The following SLC5A4 variants were observed in gnomAD, a reference collection of about 807,000 sequenced individuals.
SLC5A4 encodes the protein probable glucose sensor protein SLC5A4.
In SLC5A4, 55 loss-of-function variants were observed where a neutral mutation model predicts 70.3. The ratio of observed to expected loss-of-function variants is 0.78; its 90% confidence interval spans 0.63 to 0.98. SLC5A4 has a LOEUF of 0.98. Among genes scored for constraint, SLC5A4 ranks in the 50% least tolerant of loss-of-function variants. The pLI is 0.00. For missense variants in SLC5A4, 735 were observed against 839.2 expected (o/e 0.88, Z 1.53); for synonymous variants, 268 against 305.7 (o/e 0.88, Z 1.29).
chr22:32,254,068 A>G (rs954897257), intron 2 of SLC5A4, 74 bp downstream of exon 2: 4 of 1,192,212 alleles, frequency 3.4e-6, no homozygotes, highest in Non-Finnish European at 1.3e-6. Flanking sequence ...GGCGTGAGAC[A>G]CCGCACCCAG....
At position 32,237,980 on chromosome 22, in the gene SLC5A4, T is replaced by A. The variant is rs557688123; in HGVS notation, c.584-656A>T. 3.9e-5 allele frequency among the ~76,000 whole-genome samples: 6 copies of A among 152,286 alleles called. No homozygotes were observed. The South Asian group carries it at 1.0e-3, about 26-fold the overall frequency. On this transcript the variant is annotated intron_variant, in intron 6 of 14. Coordinates refer to ENST00000266086, the MANE Select transcript of SLC5A4 (RefSeq NM_014227.3). ...TGAAACACATGCTCTGTGAAAGTTGTCTGTACCAAAATAGAGACACTTATG... is the reference window on the plus strand; with the variant it reads ...TGAAACACATGCTCTGTGAAAGTTGACTGTACCAAAATAGAGACACTTATG...
chr22:32,244,861 A>G (rs982284250), intron 5 of SLC5A4, among the ~76,000 whole-genome samples: 1 of 152,202 alleles, frequency 6.6e-6, no homozygotes, highest in African/African-American at 2.4e-5. Flanking sequence ...TTGTGATGAA[A>G]CATATATGAC....
intron 5 of SLC5A4, among the ~76,000 whole-genome samples, chr22:32,239,556 ATATATATATATATTTATATATATATT>A (rs1926330638): frequency 9.6e-5 from 2 of 20,912 alleles, no homozygotes; most frequent in Non-Finnish European, 1.8e-4. Flanking sequence ...ATATATATAT[ATATATATATATATTTATATATATATT>A]TATATATATA....
At position 32,231,079 on chromosome 22, in the gene SLC5A4, G is replaced by C. The variant is rs549721677; in HGVS notation, c.1022-4C>G. On this transcript the variant is annotated splice_polypyrimidine_tract_variant and splice_region_variant and intron_variant, in intron 9 of 14. Transcript: ENST00000266086. ...GGTACCACACATGCTACCATATCTG[G>C]GGAAGAATTCAGAAGTGAGTCCAAT... is the stretch of plus-strand genomic sequence containing the variant. The C allele has an allele frequency of 1.2e-6, 2 of 1,600,942 alleles. No homozygotes were observed. Among genetic ancestry groups the C allele is most frequent in the Admixed American group, 3.3e-5 (2 of 59,964 alleles).
chr22:32,269,861 C>T, the SLC5A4 span: 30 of 609,120 alleles, frequency 4.9e-5, no homozygotes, highest in African/African-American at 2.2e-4. This position sits in a 1 kb window ranked among gnomAD's most constrained non-coding sequence, Gnocchi z 4.1. Context: ...CCCTCATCAC[C>T]GATGGCATGC....
rs766094490 is a variant in SLC5A4 at position 32,229,244 on chromosome 22, G to A, written c.1230C>T (p.Tyr410=). Residue 410 remains tyrosine (Y), a synonymous_variant, in exon 11 of 15, where the codon TAC becomes TAT. Transcript: ENST00000266086. ...CCGACGCTTGCTTCCGCATCTTGGT[G>A]TAGAGGTCAATGGTGAAGAGGGTGC... The part of the protein sequence containing the change: ...SASTLFTIDL[Y]TKMRKQASEK... The A allele has an allele frequency of 4.1e-5, 66 of 1,614,048 alleles. No homozygotes were observed. Among genetic ancestry groups the A allele is most frequent in the Non-Finnish European group, 5.4e-5 (64 of 1,180,026 alleles).
Position 32,234,934 on chromosome 22 carries a change from G to A in SLC5A4, c.824C>T (p.Pro275Leu), listed in dbSNP as rs1229607794. The change falls in exon 8 of 15, where the codon CCA (proline) becomes CTA (leucine). Residue 275 changes from proline to leucine, a missense_variant. Coordinates refer to ENST00000266086, the MANE Select transcript of SLC5A4 (RefSeq NM_014227.3). Reference protein sequence around the residue: ...IFRDAVTGDIPWPGIIFGMPI... With the variant: ...IFRDAVTGDILWPGIIFGMPI... ...CATTCCAAATATAATTCCTGGCCATGGAATGTCCCCAGTCACAGCATCTCG... is the reference window on the plus strand; with the variant it reads ...CATTCCAAATATAATTCCTGGCCATAGAATGTCCCCAGTCACAGCATCTCG... The A allele has an allele frequency of 1.9e-6, 3 of 1,612,972 alleles. No individual in the cohort carries two copies. The South Asian group carries it at 3.3e-5, about 18-fold the overall frequency.
the SLC5A4 span, among the ~76,000 whole-genome samples, chr22:32,308,011 T>G: frequency 6.6e-6 from 1 of 152,178 alleles, no homozygotes; most frequent in East Asian, 1.9e-4. Flanking sequence ...GGGTGGCCCT[T>G]CAACATTGAT....
At chr22:32,261,572 C>T in the SLC5A4 span, among the ~76,000 whole-genome samples, 672 of 152,302 alleles carry the variant, frequency 4.4e-3, 9 homozygotes, top group African/African-American at 0.015. Context: ...CCTGCCACCC[C>T]GAACTTCCAG....
At chr22:32,230,226 C>T (rs1343663658) in intron 10 of SLC5A4, among the ~76,000 whole-genome samples, 1 of 152,086 alleles carries the variant, frequency 6.6e-6, no homozygotes, top group Non-Finnish European at 1.5e-5. Context: ...CTTCCTCCCT[C>T]CTGTGTGTCA....
chr22:32,264,158 G>A, the SLC5A4 span, among the ~76,000 whole-genome samples: 2 of 151,248 alleles, frequency 1.3e-5, no homozygotes, highest in Admixed American at 1.3e-4. Flanking sequence ...TGCATGTTCT[G>A]CATATGTACC....
chr22:32,306,684 GCTGGCCCTGGGGAGGACA>G, the SLC5A4 span, among the ~76,000 whole-genome samples: 1 of 152,122 alleles, frequency 6.6e-6, no homozygotes, highest in Non-Finnish European at 1.5e-5. Context: ...CCCTTGTCTG[GCTGGCCCTGGGGAGGACA>G]CATCACCCTT....
intron 5 of SLC5A4, among the ~76,000 whole-genome samples, chr22:32,241,573 A>G (rs1019619267): frequency 6.6e-6 from 1 of 152,180 alleles, no homozygotes; most frequent in Non-Finnish European, 1.5e-5. Context: ...AGCCGGGCAC[A>G]GTGGCTCATG....
At chr22:32,304,678 GCTTGT>G in the SLC5A4 span, among the ~76,000 whole-genome samples, 132 of 152,114 alleles carry the variant, frequency 8.7e-4, no homozygotes, top group African/African-American at 2.6e-3. Flanking sequence ...CCGTTCTTTG[GCTTGT>G]CTTTTCATTC....
chr22:32,266,183 A>C, the SLC5A4 span, among the ~76,000 whole-genome samples: 1 of 152,240 alleles, frequency 6.6e-6, no homozygotes, highest in Non-Finnish European at 1.5e-5. Flanking sequence ...TCTTGTGAAG[A>C]GCAAGTAGTC....
chr22:32,325,956 G>A, the SLC5A4 span, among the ~76,000 whole-genome samples: 1 of 152,268 alleles, frequency 6.6e-6, no homozygotes, highest in South Asian at 2.1e-4. Context: ...TGAGAGAGGA[G>A]CTGAGCCTGG....
chr22:32,323,389 T>C, the SLC5A4 span, among the ~76,000 whole-genome samples: 1 of 152,228 alleles, frequency 6.6e-6, no homozygotes, highest in East Asian at 1.9e-4. Flanking sequence ...TCCCTTTCTT[T>C]CTACCAGACC....
At chr22:32,353,027 G>A in the SLC5A4 span, among the ~76,000 whole-genome samples, 6 of 152,248 alleles carry the variant, frequency 3.9e-5, no homozygotes, top group Non-Finnish European at 7.3e-5. Context: ...AGAACAGGAT[G>A]CAGAGAGTGG....
chr22:32,307,403 T>G, the SLC5A4 span, among the ~76,000 whole-genome samples: 4 of 152,154 alleles, frequency 2.6e-5, no homozygotes, highest in Admixed American at 1.3e-4. Flanking sequence ...ATTCATTTTG[T>G]GAATCTGAGT....
Sources: allele counts gnomAD v4.1 joint callset (sites outside exome capture counted in the v4.1 genomes callset), GRCh38; gene constraint gnomAD v4.1.1; non-coding constraint Gnocchi (gnomAD v3.1); transcripts MANE v1.5; gene names NCBI Gene and HGNC (gene_info 2026-07-23, HGNC 2026-07-21).